PBLD: variants seen among roughly 807,000 people sequenced by gnomAD.
PBLD encodes the protein phenazine biosynthesis-like domain-containing protein.
A neutral mutation model predicts 31.3 loss-of-function variants in PBLD; 26 were observed. The observed-to-expected ratio is 0.83, with a 90% CI of 0.61 to 1.15. PBLD has a LOEUF of 1.15. PBLD is among the 50% of genes most tolerant of loss of function. The probability of loss-of-function intolerance (pLI) is 0.00; values close to 1 mark genes in which losing one functional copy is unlikely to be tolerated. For synonymous variants in PBLD, 114 were observed against 129.0 expected, an observed-to-expected ratio of 0.88 and a Z score of 0.79; for missense variants, 307 against 351.7, an observed-to-expected ratio of 0.87 and a Z score of 1.02.
At chr10:68,320,821 C>CCT (rs1564738372) in intron 1 of PBLD, among the ~76,000 whole-genome samples, 6 of 142,778 alleles carry the variant, frequency 4.2e-5, no homozygotes, top group Admixed American at 7.0e-5. Flanking sequence ...GCTCAACCCC[C>CCT]TTTTTTTTTT....
intron 1 of PBLD, chr10:68,331,483 G>C (rs1053050085): frequency 6.6e-6 from 1 of 152,372 alleles, no homozygotes; most frequent in Non-Finnish European, 1.5e-5. Context: ...CGGGCGGCCA[G>C]CAACTCTGGG....
At chr10:68,312,105 C>G (rs2044677088) in intron 1 of PBLD, among the ~76,000 whole-genome samples, 1 of 152,232 alleles carries the variant, frequency 6.6e-6, no homozygotes, top group Non-Finnish European at 1.5e-5. Flanking sequence ...CATTGAGGAA[C>G]AGTTAGGTTG....
chr10:68,331,158 CT>C (rs2045065283), intron 1 of PBLD: 1 of 152,252 alleles, frequency 6.6e-6, no homozygotes, highest in Non-Finnish European at 1.5e-5. Context: ...CGCGGCCAGC[CT>C]TTTTTGGAAC....
chr10:68,285,480 G>A, intron 8 of PBLD, 70 bp from the exon 9 acceptor site: 1 of 1,534,518 alleles, frequency 6.5e-7, no homozygotes, highest in South Asian at 1.3e-5. Context: ...AAATTTCTAA[G>A]CAATTACAAT....
intron 1 of PBLD, among the ~76,000 whole-genome samples, chr10:68,317,661 A>T (rs1004477854): frequency 6.6e-6 from 1 of 151,988 alleles, no homozygotes; most frequent in Non-Finnish European, 1.5e-5. Context: ...TTAGGTGGGC[A>T]TGGTCATGTG....
At chr10:68,294,806 C>G (rs2044403164) in intron 4 of PBLD, among the ~76,000 whole-genome samples, 1 of 152,222 alleles carries the variant, frequency 6.6e-6, no homozygotes, top group Admixed American at 6.5e-5. Flanking sequence ...CGGCTCACTG[C>G]AACCACGGCC....
rs1233505341 is a variant in PBLD at position 68,303,908 on chromosome 10, C to G, written c.84+2853G>C. ...CCTAACATTATTCCATTCTCTGAGG[C>G]CTGGTACCTTCAGGTCTTTTAGTCT... On this transcript the variant is annotated intron_variant, in intron 2 of 9. Coordinates refer to ENST00000358769, the MANE Select transcript of PBLD (RefSeq NM_022129.4). Among the ~76,000 whole-genome samples, 2 of 152,104 alleles carry G rather than the reference C, an allele frequency of 1.3e-5. 1 individual carries two copies. The highest frequency in any genetic ancestry group is 1.3e-4 in the Admixed American group (2 of 15,262).
intron 1 of PBLD, among the ~76,000 whole-genome samples, chr10:68,324,718 G>T (rs182933993): frequency 4.0e-5 from 6 of 151,844 alleles, no homozygotes; most frequent in Admixed American, 6.6e-5. Flanking sequence ...AGGCTCAAAC[G>T]ATTCTCCTGC....
intron 1 of PBLD, among the ~76,000 whole-genome samples, chr10:68,315,129 CACAA>C (rs1481154469): frequency 6.6e-6 from 1 of 152,164 alleles, no homozygotes; most frequent in Admixed American, 6.5e-5. Flanking sequence ...GCTCACCCAA[CACAA>C]ACAGCCTTTC....
chr10:68,298,889 G>A (rs1015855988), intron 2 of PBLD, among the ~76,000 whole-genome samples: 3 of 151,870 alleles, frequency 2.0e-5, no homozygotes, highest in Non-Finnish European at 2.9e-5. Flanking sequence ...GGTGGATCAC[G>A]AGGTCAGGAG....
rs374363010 is a variant in PBLD at position 68,308,845 on chromosome 10, GGTGTGTGT to G, written c.-59-1950_-59-1943del. Among the ~76,000 whole-genome samples, 14 of 130,440 alleles carry G rather than the reference GGTGTGTGT, an allele frequency of 1.1e-4. 1 individual carries two copies. The highest frequency in any genetic ancestry group is 5.7e-4 in the Admixed American group (7 of 12,196). 85.6% of individuals were successfully genotyped at this position (130,440 alleles called of 152,430 possible). On this transcript the variant is annotated intron_variant, in intron 1 of 9. Transcript: ENST00000358769. ...GTGCCCCACTGCACCTGACCTGCAT[GGTGTGTGT>G]GTGTGTGTGTGTGTGTGTGTGTGTG...
At chr10:68,302,171 CA>C (rs761207966) in intron 2 of PBLD, among the ~76,000 whole-genome samples, 26 of 152,330 alleles carry the variant, frequency 1.7e-4, no homozygotes, top group Non-Finnish European at 3.4e-4. Flanking sequence ...AAACGCTGCA[CA>C]AAACAGTTAC....
intron 1 of PBLD, among the ~76,000 whole-genome samples, chr10:68,325,582 A>C (rs1475274512): frequency 6.6e-6 from 1 of 152,294 alleles, no homozygotes; most frequent in Admixed American, 6.5e-5. Context: ...ATACAAAAAA[A>C]CCCAAAAAGC....
At chr10:68,313,321 T>C (rs1482794555) in intron 1 of PBLD, among the ~76,000 whole-genome samples, 1 of 152,252 alleles carries the variant, frequency 6.6e-6, no homozygotes. Flanking sequence ...TCCTTTGCTG[T>C]ACAGAAGCTT....
chr10:68,298,746 A>G (rs2044464542), intron 2 of PBLD, among the ~76,000 whole-genome samples: 1 of 98,474 alleles, frequency 1.0e-5, no homozygotes, highest in African/African-American at 3.6e-5. Flanking sequence ...AGATATATAC[A>G]TGCATACGAA....
chr10:68,309,857 C>T lies in PBLD; in HGVS notation c.-59-2954G>A, dbSNP rs544611262. Among the ~76,000 whole-genome samples the T allele has an allele frequency of 8.1e-5, 12 of 148,978 alleles. No individual in the cohort carries two copies. The South Asian group carries it at 2.6e-3, about 32-fold the overall frequency. The stretch of plus-strand genomic sequence containing the variant: ...AAAAAGAAAATATAAATATGTAGGC[C>T]AGGCACGGCGGCTCACACCTGTCAT... On this transcript the variant is annotated intron_variant, in intron 1 of 9. Transcript: ENST00000358769.
chr10:68,308,021 C>T (rs1331015717), intron 1 of PBLD, among the ~76,000 whole-genome samples: 2 of 151,846 alleles, frequency 1.3e-5, no homozygotes, highest in African/African-American at 4.8e-5. Context: ...AGAATTTTAC[C>T]CTCTTAACAG....
At chr10:68,323,543 G>C (rs909719325) in intron 1 of PBLD, among the ~76,000 whole-genome samples, 1 of 152,194 alleles carries the variant, frequency 6.6e-6, no homozygotes, top group Admixed American at 6.5e-5. Context: ...CTGAGGGACA[G>C]AGTGAGATTC....
Position 68,298,833 on chromosome 10 carries a change from G to A in PBLD, c.85-1848C>T, listed in dbSNP as rs534491672. Reference sequence around the variant, plus strand: ...AAGAAAAAAGTGGACCCAGCTGGGCGTGGTGGCTCACACCTGTAATCCCAG... The same window carrying A: ...AAGAAAAAAGTGGACCCAGCTGGGCATGGTGGCTCACACCTGTAATCCCAG... On this transcript the variant is annotated intron_variant, in intron 2 of 9. Transcript: ENST00000358769. Among the ~76,000 whole-genome samples the A allele has an allele frequency of 4.6e-5, 7 of 151,822 alleles. No individual in the cohort carries two copies. The South Asian group carries it at 1.2e-3, about 27-fold the overall frequency.
Sources: gnomAD v4.1 joint callset for allele counts (sites outside exome capture counted in the v4.1 genomes callset) on GRCh38, gnomAD v4.1.1 for gene constraint, MANE v1.5 for transcripts, NCBI Gene and HGNC (gene_info 2026-07-23, HGNC 2026-07-21) for gene names.